NTAQ1: variants seen among roughly 807,000 people sequenced by gnomAD.
NTAQ1 encodes the protein N-terminal glutamine amidase 1.
NTAQ1 carries 21 observed loss-of-function variants against 28.2 expected under a neutral mutation model. That is an observed-to-expected ratio of 0.74 (90% CI 0.53 to 1.07). The LOEUF is 1.07. NTAQ1 is among the 50% of genes least tolerant of loss of function. The pLI is 0.00. For missense variants in NTAQ1, 264 were observed against 256.6 expected, an observed-to-expected ratio of 1.03 and a Z score of -0.20; for synonymous variants, 105 against 90.0, an observed-to-expected ratio of 1.17 and a Z score of -0.94.
chr8:123,438,565 A>T (rs536594001), intron 5 of NTAQ1, among the ~76,000 whole-genome samples: 17 of 151,810 alleles, frequency 1.1e-4, no homozygotes, highest in Non-Finnish European at 2.4e-4. Context: ...CTGAGACAGG[A>T]GAATTACTTG....
chr8:123,432,749 G>C (rs746216029), intron 3 of NTAQ1, among the ~76,000 whole-genome samples: 1 of 149,206 alleles, frequency 6.7e-6, no homozygotes, highest in Non-Finnish European at 1.5e-5. Context: ...GTGTGATCTC[G>C]GCTCACTGCA....
chr8:123,475,588 A>G, the NTAQ1 span, among the ~76,000 whole-genome samples: 1 of 152,250 alleles, frequency 6.6e-6, no homozygotes, highest in African/African-American at 2.4e-5. Flanking sequence ...ATATATCTGT[A>G]TAACTATTAA....
chr8:123,434,852 T>G (rs2130280093), intron 3 of NTAQ1, among the ~76,000 whole-genome samples: 1 of 152,094 alleles, frequency 6.6e-6, no homozygotes, highest in African/African-American at 2.4e-5. Flanking sequence ...GTGGACTGTT[T>G]GGGGGCGTGG....
intron 6 of NTAQ1, among the ~76,000 whole-genome samples, chr8:123,455,466 G>A (rs1365550116): frequency 7.8e-6 from 1 of 128,664 alleles, no homozygotes; most frequent in East Asian, 2.3e-4. Flanking sequence ...TCCCACTCTC[G>A]CCTGGCTGGA....
chr8:123,465,255 C>T (rs372972153), intron 6 of NTAQ1, among the ~76,000 whole-genome samples: 1 of 152,170 alleles, frequency 6.6e-6, no homozygotes, highest in Admixed American at 6.5e-5. Flanking sequence ...ATACTGTGAA[C>T]TAAACTATAG....
chr8:123,437,064 G>A, intron 4 of NTAQ1, 146 bp from the exon 5 acceptor site: 1 of 1,032,048 alleles, frequency 9.7e-7, no homozygotes, highest in Non-Finnish European at 1.4e-6. Flanking sequence ...TTCTCTAATA[G>A]GTAGTAAAGT....
rs1294234593 is a variant in NTAQ1, at chr8:123,441,627, G to A, written c.*212G>A. 4 of 567,580 alleles carry A rather than the reference G, an allele frequency of 7.0e-6. No homozygotes were observed. Among genetic ancestry groups the A allele is most frequent in the South Asian group, 2.3e-5 (1 of 43,864 alleles). 35.2% of individuals were successfully genotyped at this position (567,580 alleles called of 1,614,324 possible). ...GTCAAATTGAAACTTGATAAAGTGC[G>A]TACTTGCTAAGATATTCCTGTGGCT... On this transcript the variant is annotated 3_prime_UTR_variant, in exon 6 of 6. Transcript: ENST00000287387.
intron 3 of NTAQ1, among the ~76,000 whole-genome samples, chr8:123,434,580 G>A (rs1272418633): frequency 3.9e-5 from 6 of 152,128 alleles, no homozygotes; most frequent in Non-Finnish European, 7.4e-5. Context: ...AGCTGGGATT[G>A]TGCCACTGTG....
chr8:123,419,967 G>C (rs1813578359), intron 1 of NTAQ1, among the ~76,000 whole-genome samples: 1 of 151,844 alleles, frequency 6.6e-6, no homozygotes, highest in African/African-American at 2.4e-5. Context: ...TTGTTACATG[G>C]GTAAAGTGTA....
intron 1 of NTAQ1, among the ~76,000 whole-genome samples, chr8:123,417,561 C>A (rs759611635): frequency 6.6e-5 from 10 of 152,142 alleles, no homozygotes; most frequent in Non-Finnish European, 1.5e-4. Context: ...ACGCAGTGCA[C>A]CCCTGTCCTA....
intron 3 of NTAQ1, among the ~76,000 whole-genome samples, chr8:123,434,057 A>G (rs542077257): frequency 6.6e-6 from 1 of 151,844 alleles, no homozygotes; most frequent in African/African-American, 2.4e-5. Context: ...TACTCCAGTT[A>G]TCTCCATTTT....
At chr8:123,430,136 G>T (rs1814309893) in intron 3 of NTAQ1, 103 bp downstream of exon 3, 2 of 738,648 alleles carry the variant, frequency 2.7e-6, no homozygotes, top group Non-Finnish European at 4.4e-6. Flanking sequence ...GTAGAGAAAG[G>T]CTATGGTAAT....
At chr8:123,468,023 C>T (rs1461907546) in exon 7 of NTAQ1, among the ~76,000 whole-genome samples, 1 of 152,132 alleles carries the variant, frequency 6.6e-6, no homozygotes, top group African/African-American at 2.4e-5. Context: ...GCTGGAGGTT[C>T]AGGATCTCTA....
Position 123,436,478 on chromosome 8 carries a change from T to C in NTAQ1, c.260T>C (p.Val87Ala), listed in dbSNP as rs200288701. 2.7e-5 allele frequency: 44 copies of C among 1,613,086 alleles called. No homozygotes were observed. Among genetic ancestry groups the C allele is most frequent in the Non-Finnish European group, 1.6e-5 (19 of 1,179,664 alleles). Reference protein sequence around the residue: ...IWDYHVVLLHVSSGGQNFIYD... With the variant: ...IWDYHVVLLHASSGGQNFIYD... ...GATTACCATGTTGTTTTGCTTCATG[T>C]TTCAAGTGGAGGACAGAACTTCATT... The change falls in exon 4 of 6, where the codon GTT (valine) becomes GCT (alanine). Residue 87 changes from valine to alanine, a missense_variant. Physicochemically the swap from Val to Ala is moderately conservative, Grantham distance 64. Transcript: ENST00000287387.
chr8:123,445,251 A>G (rs1007407280), downstream of NTAQ1, among the ~76,000 whole-genome samples: 3 of 152,040 alleles, frequency 2.0e-5, no homozygotes, highest in African/African-American at 7.3e-5. Context: ...GGTATGTATT[A>G]TATATTAAAT....
intron 2 of NTAQ1, among the ~76,000 whole-genome samples, chr8:123,428,733 T>TG (rs1244884601): frequency 3.3e-5 from 5 of 152,018 alleles, no homozygotes; most frequent in African/African-American, 1.2e-4. Flanking sequence ...CCCAAGTAGC[T>TG]GGGACTACAG....
intron 2 of NTAQ1, among the ~76,000 whole-genome samples, chr8:123,429,407 G>C (rs948249831): frequency 1.3e-5 from 2 of 152,102 alleles, no homozygotes; most frequent in Admixed American, 6.6e-5. Context: ...TGTATGTATT[G>C]CTTTAAATAG....
chr8:123,421,927 G>A (rs1247911141), intron 1 of NTAQ1, among the ~76,000 whole-genome samples: 1 of 151,986 alleles, frequency 6.6e-6, no homozygotes, highest in African/African-American at 2.4e-5. Context: ...TGATCCGCCT[G>A]CCTCGGCCTC....
At chr8:123,429,878 TCAAAAAAAAAAAAAAAAAATCCCGTCTC>T in intron 2 of NTAQ1, 77 bp from the exon 3 acceptor site, 1 of 286,040 alleles carries the variant, frequency 3.5e-6, no homozygotes, top group Non-Finnish European at 5.2e-6. Flanking sequence ...GGACTCTGTC[TCAAAAAAAAAAAAAAAAAATCCCGTCTC>T]AAAAAAAAAA....
Sources: allele counts gnomAD v4.1 joint callset (sites outside exome capture counted in the v4.1 genomes callset), GRCh38; gene constraint gnomAD v4.1.1; transcripts MANE v1.5; gene names NCBI Gene and HGNC (gene_info 2026-07-23, HGNC 2026-07-21).